Variants in DENND4A observed in about 807,000 individuals in gnomAD.
DENND4A encodes the protein DENN domain containing 4A.
In DENND4A, 70 loss-of-function variants were observed where a neutral mutation model predicts 199.3. The ratio of observed to expected loss-of-function variants is 0.35; its 90% CI spans 0.29 to 0.43. DENND4A has a LOEUF of 0.43. Ranked by LOEUF, DENND4A falls within the 20% of genes least tolerant of loss-of-function variation. DENND4A has a pLI of 1.00. For missense variants in DENND4A, 1,723 were observed against 2,255.8 expected (o/e 0.76, Z 4.78); for synonymous variants, 686 against 766.9 (o/e 0.89, Z 1.74).
chr15:65,671,106 T>C (rs543799372), intron 25 of DENND4A, among the ~76,000 whole-genome samples: 1 of 152,314 alleles, frequency 6.6e-6, no homozygotes, highest in Non-Finnish European at 1.5e-5. Flanking sequence ...CTACTCCCTG[T>C]ACATTCACCA....
intron 4 of DENND4A, among the ~76,000 whole-genome samples, chr15:65,743,495 A>C (rs185895023): frequency 1.1e-4 from 17 of 152,264 alleles, no homozygotes; most frequent in Non-Finnish European, 2.9e-5. Context: ...CTCAATTTAA[A>C]ATTGCAACCC....
intron 23 of DENND4A, among the ~76,000 whole-genome samples, chr15:65,686,734 G>C (rs1379787789): frequency 6.6e-6 from 1 of 152,142 alleles, no homozygotes. Context: ...CTGTTGCTCA[G>C]GTTGGAGTGC....
At chr15:65,722,203 C>A (rs1333388011) in intron 12 of DENND4A, among the ~76,000 whole-genome samples, 1 of 152,148 alleles carries the variant, frequency 6.6e-6, no homozygotes, top group African/African-American at 2.4e-5. Context: ...AAAAAATAGG[C>A]CAGGCATGGT....
chr15:65,759,923 C>T (rs1027089320), intron 2 of DENND4A, among the ~76,000 whole-genome samples: 26 of 152,222 alleles, frequency 1.7e-4, no homozygotes, highest in Admixed American at 6.5e-4. Flanking sequence ...ATTACTTCTA[C>T]TTATTTTGCT....
At position 65,700,672 on chromosome 15, in the gene DENND4A, T is replaced by C. The variant is rs567137229; in HGVS notation, c.2705A>G (p.Asp902Gly). 1.3e-6 allele frequency: 2 copies of C among 1,534,858 alleles called. No individual in the cohort carries two copies. Among genetic ancestry groups the C allele is most frequent in the Non-Finnish European group, 1.8e-6 (2 of 1,141,660 alleles). Residue 902 changes from aspartate (D) to glycine (G), a missense_variant, in exon 20 of 33, where the codon GAT (aspartate) becomes GGT (glycine). Physicochemically the swap from Asp to Gly is moderately conservative, Grantham distance 94. Transcript: ENST00000443035. The part of the protein sequence containing the change: ...AHLSQTTLSA[D>G]GSDLDAVSHG... ...ACTAACAGCATCCAGGTCACTGCCA[T>C]CTGCTTAAGAACACAATTTGACAGC...
rs778121673 is a variant in DENND4A at position 65,756,125 on chromosome 15, T to C, written c.311+15A>G. 41 of 1,577,418 alleles carry C rather than the reference T, an allele frequency of 2.6e-5. 1 individual carries two copies. The South Asian group carries it at 4.7e-4, about 18-fold the overall frequency. ...TTTGGATCAATAACAGTAAGTCGTT[T>C]AAAAAAATACTTACCCCAGATCTGT... On this transcript the variant is annotated intron_variant, in intron 3 of 32. Coordinates refer to ENST00000443035, the MANE Select transcript of DENND4A (RefSeq NM_001320835.1).
chr15:65,727,180 C>G lies in DENND4A; in HGVS notation c.1487+1892G>C, dbSNP rs534003747. 9.2e-5 allele frequency among the ~76,000 whole-genome samples: 14 copies of G among 151,524 alleles called. No homozygotes were observed. The South Asian group carries it at 2.7e-3, about 29-fold the overall frequency. On this transcript the variant is annotated intron_variant, in intron 11 of 32. Transcript: ENST00000443035. Reference sequence around the variant, plus strand: ...AAAATTAGCCAGGCATGACCGGGCGCGGTGGCTCACACCTATAATCTCAGC... The same window carrying G: ...AAAATTAGCCAGGCATGACCGGGCGGGGTGGCTCACACCTATAATCTCAGC...
intron 22 of DENND4A, among the ~76,000 whole-genome samples, chr15:65,692,525 C>T (rs1226926575): frequency 6.6e-6 from 1 of 152,104 alleles, no homozygotes; most frequent in Non-Finnish European, 1.5e-5. Flanking sequence ...TGAAAATGTG[C>T]CTTTTCTTGT....
intron 23 of DENND4A, among the ~76,000 whole-genome samples, chr15:65,685,077 T>A (rs1294182101): frequency 6.6e-6 from 1 of 151,924 alleles, no homozygotes; most frequent in Non-Finnish European, 1.5e-5. Context: ...TCTGCCCGCC[T>A]CAGCCTCCCA....
At chr15:65,689,766 C>A (rs1434681422) in intron 23 of DENND4A, among the ~76,000 whole-genome samples, 1 of 152,124 alleles carries the variant, frequency 6.6e-6, no homozygotes, top group Admixed American at 6.6e-5. Context: ...TATTTGAGGC[C>A]CTTAAAGTCT....
chr15:65,759,192 G>C (rs1188883968), intron 2 of DENND4A, among the ~76,000 whole-genome samples: 1 of 152,036 alleles, frequency 6.6e-6, no homozygotes, highest in Non-Finnish European at 1.5e-5. Flanking sequence ...TTAAAAATGA[G>C]ACTAGGCCAG....
intron 26 of DENND4A, 35 bp downstream of exon 26, chr15:65,669,978 T>C (rs546711194): frequency 6.2e-6 from 10 of 1,601,856 alleles, no homozygotes; most frequent in Admixed American, 3.4e-5. Flanking sequence ...ATAGGGAACA[T>C]GATCCTTAAA....
intron 1 of DENND4A, among the ~76,000 whole-genome samples, chr15:65,780,008 G>A (rs1241318880): frequency 6.6e-6 from 1 of 151,964 alleles, no homozygotes; most frequent in East Asian, 1.9e-4. Context: ...CAAAGCACTG[G>A]GATTACAGGC....
At chr15:65,758,685 A>C (rs2076776466) in intron 2 of DENND4A, among the ~76,000 whole-genome samples, 1 of 152,206 alleles carries the variant, frequency 6.6e-6, no homozygotes, top group Non-Finnish European at 1.5e-5. Context: ...ATAGGAAAAA[A>C]GTTTAATCTA....
chr15:65,771,899 T>C (rs562083133), intron 1 of DENND4A: 52 of 1,611,808 alleles, frequency 3.2e-5, no homozygotes, highest in Middle Eastern at 2.1e-4. Context: ...GCATGGTTTT[T>C]GTCTGGATGA....
chr15:65,736,955 T>C (rs2076136306), intron 7 of DENND4A, among the ~76,000 whole-genome samples: 1 of 152,220 alleles, frequency 6.6e-6, no homozygotes, highest in Admixed American at 6.5e-5. Flanking sequence ...GGGTGTGTTA[T>C]CTTTAAAATA....
At chr15:65,664,450 C>G in intron 31 of DENND4A, 56 bp from the exon 32 acceptor site, 5 of 1,516,056 alleles carry the variant, frequency 3.3e-6, no homozygotes, top group Non-Finnish European at 4.5e-6. Context: ...CATATGTTCC[C>G]TATAAAAAAT....
In DENND4A at chr15:65,663,198, A is replaced by ATT. The variant is rs139708249; in HGVS notation, c.5587+1130_5587+1131dup. On this transcript the variant is annotated intron_variant, in intron 32 of 32. Transcript: ENST00000443035. ...TGTGTATATATATATATATATATAT[A>ATT]TTTTTTTTTTTTTATTTTTTTTTTT... Among the ~76,000 whole-genome samples the ATT allele has an allele frequency of 3.5e-3, 394 of 112,256 alleles. 1 individual carries two copies. The highest frequency in any genetic ancestry group is 0.019 in the East Asian group (82 of 4,212). 73.6% of individuals were successfully genotyped at this position (112,256 alleles called of 152,430 possible).
At chr15:65,726,979 T>A (rs1032528414) in intron 11 of DENND4A, among the ~76,000 whole-genome samples, 4 of 151,082 alleles carry the variant, frequency 2.6e-5, no homozygotes, top group African/African-American at 7.3e-5. Flanking sequence ...AAGTAAAAAA[T>A]TTTTTTCAAA....
Sources: gnomAD v4.1 joint callset for allele counts (sites outside exome capture counted in the v4.1 genomes callset) on GRCh38, gnomAD v4.1.1 for gene constraint, MANE v1.5 for transcripts, NCBI Gene and HGNC (gene_info 2026-07-23, HGNC 2026-07-21) for gene names.